Variants in GNAQ observed in about 807,000 individuals in gnomAD.
GNAQ encodes the protein guanine nucleotide-binding protein G(q) subunit alpha.
A neutral mutation model predicts 43.9 loss-of-function variants in GNAQ; 8 were observed. The observed-to-expected ratio is 0.18, with a 90% confidence interval of 0.11 to 0.33. The LOEUF (loss-of-function observed/expected upper bound fraction) is 0.33. GNAQ is among the 10% of genes least tolerant of loss of function. The probability of loss-of-function intolerance (pLI) is 1.00; values close to 1 mark genes in which losing one functional copy is unlikely to be tolerated. For missense variants in GNAQ, 158 were observed against 450.8 expected, an observed-to-expected ratio of 0.35 and a Z score of 5.88; for synonymous variants, 155 against 170.7, an observed-to-expected ratio of 0.91 and a Z score of 0.71.
chr9:78,020,848 C>G (rs909078365), intron 1 of GNAQ, among the ~76,000 whole-genome samples: 9 of 152,048 alleles, frequency 5.9e-5, no homozygotes, highest in South Asian at 4.1e-4. Context: ...GTAAGGAAGC[C>G]CAACGCTGAT....
At chr9:77,752,176 TAAAAC>T (rs1305992394) in intron 5 of GNAQ, among the ~76,000 whole-genome samples, 4 of 152,156 alleles carry the variant, frequency 2.6e-5, no homozygotes, top group Non-Finnish European at 5.9e-5. Flanking sequence ...AAACAGATAA[TAAAAC>T]AAAATAAACA....
intron 1 of GNAQ, among the ~76,000 whole-genome samples, chr9:77,963,590 A>C (rs1158677557): frequency 2.6e-5 from 4 of 152,218 alleles, no homozygotes; most frequent in Non-Finnish European, 1.5e-5. Context: ...AAGTCAAAGC[A>C]AATGCAGCAG....
intron 1 of GNAQ, among the ~76,000 whole-genome samples, chr9:78,023,863 C>CA (rs1823942177): frequency 7.0e-6 from 1 of 143,276 alleles, no homozygotes; most frequent in East Asian, 1.9e-4. Context: ...GTAACAGAGC[C>CA]AAAAAGTCTG....
rs1223047296 is a variant in GNAQ at position 77,794,590 on chromosome 9, A to G, written c.608T>C (p.Met203Thr). Residue 203 changes from methionine (M) to threonine (T), a missense_variant and splice_region_variant, in exon 5 of 7, where the codon ATG becomes ACG. Physicochemically the swap from Met to Thr is moderately conservative, Grantham distance 81. Coordinates refer to ENST00000286548, the MANE Select transcript of GNAQ (RefSeq NM_002072.5). ...PFDLQSVIFR[M>T]VDVGGQRSER... ...TGACCTTTGGCCCCCTACATCGACC[A>G]TTCTGCAAGGTTAACAATACTCATA... 1 of 1,598,616 alleles carries G rather than the reference A, an allele frequency of 6.3e-7. No homozygotes were observed. The highest frequency in any genetic ancestry group is 8.6e-7 in the Non-Finnish European group (1 of 1,168,128).
At chr9:77,927,073 T>A (rs1384944573) in intron 1 of GNAQ, among the ~76,000 whole-genome samples, 1 of 152,098 alleles carries the variant, frequency 6.6e-6, no homozygotes, top group South Asian at 2.1e-4. Context: ...AGACACACAC[T>A]CTCACACAAT....
chr9:77,825,526 T>C (rs1488525219), intron 2 of GNAQ, among the ~76,000 whole-genome samples: 2 of 152,202 alleles, frequency 1.3e-5, no homozygotes, highest in Non-Finnish European at 2.9e-5. Context: ...TGGAAGAGTT[T>C]GGCTGCCCCT....
intron 1 of GNAQ, among the ~76,000 whole-genome samples, chr9:77,928,809 C>G (rs933791753): frequency 6.6e-6 from 1 of 152,168 alleles, no homozygotes; most frequent in African/African-American, 2.4e-5. Context: ...CACTTGAGGT[C>G]AGGAGTTCGA....
rs1828115992 is a variant in GNAQ at position 77,875,825 on chromosome 9, A to T, written c.321+46336T>A. Reference sequence around the variant, plus strand: ...CACCCATTGCCCACACCATGATCAGACTAACTAGTTTAACTCACCATTGCT... The same window carrying T: ...CACCCATTGCCCACACCATGATCAGTCTAACTAGTTTAACTCACCATTGCT... On this transcript the variant is annotated intron_variant, in intron 2 of 6. Transcript: ENST00000286548. 1.3e-5 allele frequency among the ~76,000 whole-genome samples: 2 copies of T among 152,134 alleles called. 1 individual carries two copies. The highest frequency in any genetic ancestry group is 4.1e-4 in the South Asian group (2 of 4,822).
chr9:77,931,252 C>T (rs997282222), intron 1 of GNAQ, among the ~76,000 whole-genome samples: 5 of 151,234 alleles, frequency 3.3e-5, no homozygotes, highest in African/African-American at 7.3e-5. Flanking sequence ...CCAGCAGGTC[C>T]GCATTTCCAT....
chr9:77,746,337 C>A (rs1459470644), intron 5 of GNAQ, among the ~76,000 whole-genome samples: 1 of 152,120 alleles, frequency 6.6e-6, no homozygotes, highest in African/African-American at 2.4e-5. Context: ...TAAATGAACT[C>A]CTGGGGCAGC....
intron 5 of GNAQ, among the ~76,000 whole-genome samples, chr9:77,787,164 T>C (rs1243520303): frequency 6.6e-6 from 1 of 152,222 alleles, no homozygotes; most frequent in Non-Finnish European, 1.5e-5. Context: ...CTTGATTCTC[T>C]TTGTATAAAA....
intron 1 of GNAQ, among the ~76,000 whole-genome samples, chr9:78,026,269 A>G (rs940615302): frequency 6.6e-6 from 1 of 152,206 alleles, no homozygotes; most frequent in South Asian, 2.1e-4. Context: ...GGGACATTAT[A>G]TGGAGATCCA....
intron 2 of GNAQ, among the ~76,000 whole-genome samples, chr9:77,824,884 G>C (rs986451740): frequency 3.3e-5 from 5 of 152,058 alleles, no homozygotes; most frequent in Admixed American, 6.5e-5. Context: ...AGAAAACCTG[G>C]AATAAAAATG....
At chr9:77,888,582 A>G (rs1330978095) in intron 2 of GNAQ, among the ~76,000 whole-genome samples, 1 of 152,172 alleles carries the variant, frequency 6.6e-6, no homozygotes, top group Non-Finnish European at 1.5e-5. Flanking sequence ...AACTTTTACC[A>G]TTTAAACCTT....
At chr9:77,861,991 C>A in intron 2 of GNAQ, among the ~76,000 whole-genome samples, 2 of 125,662 alleles carry the variant, frequency 1.6e-5, no homozygotes, top group African/African-American at 6.1e-5. Flanking sequence ...GGGGACAGAG[C>A]AAGACTCTGT....
chr9:77,807,819 T>C (rs567473675), intron 3 of GNAQ, among the ~76,000 whole-genome samples: 1 of 152,284 alleles, frequency 6.6e-6, no homozygotes, highest in Admixed American at 6.5e-5. Flanking sequence ...GAAAATCAGA[T>C]AGTAAATATA....
intron 1 of GNAQ, among the ~76,000 whole-genome samples, chr9:77,954,909 A>G (rs138135601): frequency 1.1e-4 from 17 of 152,298 alleles, no homozygotes; most frequent in African/African-American, 3.8e-4. Flanking sequence ...AGAAAATTCC[A>G]TATTAGCACT....
chr9:77,739,366 A>T (rs1487647266), intron 5 of GNAQ, among the ~76,000 whole-genome samples: 1 of 152,144 alleles, frequency 6.6e-6, no homozygotes, highest in African/African-American at 2.4e-5. Flanking sequence ...TGTCCATGAA[A>T]ATCAGTCTGC....
intron 1 of GNAQ, among the ~76,000 whole-genome samples, chr9:77,993,099 A>G (rs1477350790): frequency 6.6e-6 from 1 of 152,226 alleles, no homozygotes; most frequent in Non-Finnish European, 1.5e-5. Context: ...TATAAAACAC[A>G]GCGCCTTTGT....
Sources: gnomAD v4.1 joint callset for allele counts (sites outside exome capture counted in the v4.1 genomes callset) on GRCh38, gnomAD v4.1.1 for gene constraint, MANE v1.5 for transcripts, NCBI Gene and HGNC (gene_info 2026-07-23, HGNC 2026-07-21) for gene names.